Variants in ANKRD44 observed in about 807,000 individuals in gnomAD.
ANKRD44 encodes the protein serine/threonine-protein phosphatase 6 regulatory ankyrin repeat subunit B.
Under a neutral mutation model 116.0 loss-of-function variants are expected in ANKRD44, and 35 were observed. That is an observed-to-expected ratio of 0.30 (90% CI 0.23 to 0.40). The LOEUF (loss-of-function observed/expected upper bound fraction) is 0.40. Ranked by LOEUF, ANKRD44 falls within the 10% of genes least tolerant of loss-of-function variation. ANKRD44 has a pLI of 1.00. For missense variants in ANKRD44, 1,014 were observed against 1,242.6 expected (o/e 0.82, Z 2.77); for synonymous variants, 435 against 461.8 (o/e 0.94, Z 0.74).
chr2:197,248,592 A>ATATATATATATATATATATATATATATAT (rs1553539906), intron 1 of ANKRD44, among the ~76,000 whole-genome samples: 1 of 149,580 alleles, frequency 6.7e-6, no homozygotes, highest in African/African-American at 2.5e-5. Flanking sequence ...ATATATATAT[A>ATATATATATATATATATATATATATATAT]AAGAGAGAGA....
At chr2:197,213,411 AT>A (rs1183465500) in intron 1 of ANKRD44, among the ~76,000 whole-genome samples, 3 of 151,982 alleles carry the variant, frequency 2.0e-5, no homozygotes, top group Non-Finnish European at 4.4e-5. Flanking sequence ...AATTTTTCTG[AT>A]TTTTTTTCTA....
At chr2:196,991,749 T>C (rs2075921220) in intron 27 of ANKRD44, among the ~76,000 whole-genome samples, 1 of 79,446 alleles carries the variant, frequency 1.3e-5, no homozygotes, top group South Asian at 6.5e-4. Context: ...ACCGGCTGAT[T>C]TTTTCTTTTT....
intron 16 of ANKRD44, among the ~76,000 whole-genome samples, chr2:197,072,382 T>C (rs1245355836): frequency 6.6e-6 from 1 of 152,180 alleles, no homozygotes; most frequent in East Asian, 1.9e-4. Flanking sequence ...CATGTTAGTA[T>C]AGGTTTTTAT....
intron 21 of ANKRD44, among the ~76,000 whole-genome samples, chr2:196,976,226 T>A (rs1033388157): frequency 7.2e-5 from 11 of 152,016 alleles, no homozygotes; most frequent in African/African-American, 2.2e-4. Context: ...AACCTCCGCC[T>A]CCCAGGTTCA....
intron 2 of ANKRD44, among the ~76,000 whole-genome samples, chr2:197,186,287 T>C (rs187693628): frequency 7.0e-4 from 106 of 152,270 alleles, no homozygotes; most frequent in Non-Finnish European, 1.9e-4. Context: ...CCTTCCACTA[T>C]GAATGTAGGC....
rs16860132 is a variant in ANKRD44, at chr2:196,988,908, T to C, written c.*683A>G. ...GATATTTCTTTGTGCTGCCTTTGTG[T>C]ATATGATCCACTACACATCTGAGTT... On this transcript the variant is annotated 3_prime_UTR_variant, in exon 28 of 28. Coordinates refer to ENST00000282272, the MANE Select transcript of ANKRD44 (RefSeq NM_001195144.2). The C allele has an allele frequency of 1.4e-3, 1,354 of 985,446 alleles. 15 individuals carry two copies. The African/African-American group carries it at 0.017, about 12-fold the overall frequency. The allele number at this position is 985,446 out of a possible 1,614,324, so 61.0% of individuals were successfully genotyped here.
chr2:197,118,901 C>T lies in ANKRD44; in HGVS notation c.906+2431G>A, dbSNP rs186747914. Among the ~76,000 whole-genome samples, 25 of 152,094 alleles carry T rather than the reference C, an allele frequency of 1.6e-4. 1 individual carries two copies. In the East Asian group the frequency reaches 4.3e-3, roughly 26 times the overall value. On this transcript the variant is annotated intron_variant, in intron 8 of 27. Coordinates refer to ENST00000282272, the MANE Select transcript of ANKRD44 (RefSeq NM_001195144.2). ...TTTGCCGTTCTTTAACACAAATGTA[C>T]GTTTTTGTATTAGTTTGTATTTTTC... is the stretch of plus-strand genomic sequence containing the variant.
At chr2:197,136,366 C>T in intron 4 of ANKRD44, 2 of 549,188 alleles carry the variant, frequency 3.6e-6, no homozygotes, top group Admixed American at 3.2e-5. Context: ...CATTGAAATT[C>T]AGGATCATGC....
intron 5 of ANKRD44, 105 bp downstream of exon 5, chr2:197,125,732 A>G (rs2078959792): frequency 4.6e-6 from 6 of 1,314,012 alleles, no homozygotes; most frequent in Non-Finnish European, 6.4e-6. Context: ...TGGTGTACAA[A>G]TATTTTCATC....
chr2:197,216,625 T>A (rs1471855173), intron 1 of ANKRD44, among the ~76,000 whole-genome samples: 1 of 152,164 alleles, frequency 6.6e-6, no homozygotes, highest in Non-Finnish European at 1.5e-5. Context: ...GTGGCCCGTT[T>A]CTAAGATACT....
At chr2:197,164,912 G>A (rs919730429) in intron 2 of ANKRD44, among the ~76,000 whole-genome samples, 3 of 152,038 alleles carry the variant, frequency 2.0e-5, no homozygotes, top group Non-Finnish European at 2.9e-5. Flanking sequence ...GGAAGAACTG[G>A]GTTCAAACCC....
chr2:197,120,060 C>T (rs2078816359), intron 8 of ANKRD44, among the ~76,000 whole-genome samples: 1 of 152,158 alleles, frequency 6.6e-6, no homozygotes, highest in African/African-American at 2.4e-5. Context: ...CCCTCAAAAT[C>T]GATCTCCATT....
intron 1 of ANKRD44, among the ~76,000 whole-genome samples, chr2:197,266,156 G>A (rs1387986360): frequency 6.6e-6 from 1 of 152,120 alleles, no homozygotes; most frequent in Admixed American, 6.5e-5. Context: ...GCCTGGCCAG[G>A]CTGGAACTCA....
intron 2 of ANKRD44, among the ~76,000 whole-genome samples, chr2:197,180,721 A>G (rs2080482477): frequency 6.6e-6 from 1 of 152,376 alleles, no homozygotes; most frequent in East Asian, 1.9e-4. Context: ...AGTCTTAGAC[A>G]TAATATAATC....
At chr2:197,286,823 A>G (rs1368620982) in intron 1 of ANKRD44, among the ~76,000 whole-genome samples, 2 of 152,168 alleles carry the variant, frequency 1.3e-5, no homozygotes, top group African/African-American at 4.8e-5. Context: ...TTACAGTTTC[A>G]AAATTCCTTT....
intron 16 of ANKRD44, among the ~76,000 whole-genome samples, chr2:197,071,268 T>G (rs145035323): frequency 6.6e-6 from 1 of 152,200 alleles, no homozygotes; most frequent in Non-Finnish European, 1.5e-5. Flanking sequence ...TCTCTCCAGA[T>G]TCTTGAGGTA....
At chr2:197,098,172 A>G (rs980740334) in intron 10 of ANKRD44, among the ~76,000 whole-genome samples, 5 of 152,176 alleles carry the variant, frequency 3.3e-5, no homozygotes, top group African/African-American at 1.2e-4. Context: ...TGGTCCAAAC[A>G]TCCATCTTAA....
At chr2:197,167,612 T>G (rs1360993893) in intron 2 of ANKRD44, among the ~76,000 whole-genome samples, 2 of 152,236 alleles carry the variant, frequency 1.3e-5, no homozygotes. Flanking sequence ...AGAGCAGGGG[T>G]TTTGGGAAAT....
chr2:197,296,942 C>A (rs2083741547), intron 1 of ANKRD44, among the ~76,000 whole-genome samples: 1 of 152,144 alleles, frequency 6.6e-6, no homozygotes, highest in Non-Finnish European at 1.5e-5. Context: ...GTTTTTTAGA[C>A]ATTCTGCTGT....
Sources: gnomAD v4.1 joint callset for allele counts (sites outside exome capture counted in the v4.1 genomes callset) on GRCh38, gnomAD v4.1.1 for gene constraint, MANE v1.5 for transcripts, NCBI Gene and HGNC (gene_info 2026-07-23, HGNC 2026-07-21) for gene names.